EIF4G1: variants seen among roughly 807,000 people sequenced by gnomAD.
The protein encoded by EIF4G1 is EIF4-gamma.
A neutral mutation model predicts 187.8 loss-of-function variants in EIF4G1; 4 were observed. That is an observed-to-expected ratio of 0.02 (90% confidence interval 0.01 to 0.05). The LOEUF (loss-of-function observed/expected upper bound fraction) is 0.05. Ranked by LOEUF, EIF4G1 falls within the 10% of genes least tolerant of loss-of-function variation. The probability of loss-of-function intolerance (pLI) is 1.00; values close to 1 mark genes in which losing one functional copy is unlikely to be tolerated. For synonymous variants in EIF4G1, 844 were observed against 781.4 expected, an observed-to-expected ratio of 1.08 and a Z score of -1.34; for missense variants, 1,647 against 2,081.1, an observed-to-expected ratio of 0.79 and a Z score of 4.06.
chr3:184,321,918 C>A lies in EIF4G1; in HGVS notation c.1334C>A (p.Ala445Asp), dbSNP rs772328189. The change falls in exon 10 of 33, where the codon GCT becomes GAT. Residue 445 changes from alanine (A) to aspartate (D), a missense_variant. Transcript: ENST00000346169. ...PTIPSATPAT[A>D]PSATSPAQEE... ...ATCCCCTCTGCTACTCCAGCTACGGCTCCTTCAGCTACTTCCCCAGCTCAG... is the reference window on the plus strand; with the variant it reads ...ATCCCCTCTGCTACTCCAGCTACGGATCCTTCAGCTACTTCCCCAGCTCAG... The A allele has an allele frequency of 1.2e-6, 2 of 1,614,192 alleles. No individual in the cohort carries two copies. The highest frequency in any genetic ancestry group is 1.7e-6 in the Non-Finnish European group (2 of 1,180,046).
At chr3:184,320,870 T>C in intron 8 of EIF4G1, 57 bp from the exon 9 acceptor site, 1 of 1,611,402 alleles carries the variant, frequency 6.2e-7, no homozygotes, top group South Asian at 1.1e-5. Context: ...ATGGCTCTAG[T>C]AAAGAAGGGT....
intron 6 of EIF4G1, 105 bp from the exon 7 acceptor site, chr3:184,319,584 G>C: frequency 1.3e-6 from 1 of 780,584 alleles, no homozygotes; most frequent in Non-Finnish European, 2.2e-6. Flanking sequence ...CAAGGGGCCG[G>C]CTGTGGGTGG....
rs771753208 is a variant in EIF4G1, at chr3:184,327,929, C to T, written c.3880C>T (p.Arg1294Cys). 6 of 1,612,844 alleles carry T rather than the reference C, an allele frequency of 3.7e-6. No individual in the cohort carries two copies. The highest frequency in any genetic ancestry group is 4.2e-6 in the Non-Finnish European group (5 of 1,180,030). Residue 1294 changes from arginine to cysteine, a missense_variant, in exon 26 of 33, where the codon CGT (arginine) becomes TGT (cysteine). Transcript: ENST00000346169. ...TACGCTGGAGCGCAGTGCCATTGCT[C>T]GTGAGCATATGGGGCAGCTGCTGCA... ...ESTLERSAIA[R>C]EHMGQLLHQL... is the part of the protein sequence containing the mutation.
rs969419539 is a variant in EIF4G1, at chr3:184,328,895, T to G, written c.4080-14T>G. 12 of 1,614,062 alleles carry G rather than the reference T, an allele frequency of 7.4e-6. No individual in the cohort carries two copies. Among genetic ancestry groups the G allele is most frequent in the Non-Finnish European group, 1.0e-5 (12 of 1,180,036 alleles). On this transcript the variant is annotated splice_polypyrimidine_tract_variant and intron_variant, in intron 27 of 32. Transcript: ENST00000346169. ...TGTGGAGGCTGTCAGCATTAGGTTTTTCTCTTCTTGTAGGGAGATTACAAA... is the reference window on the plus strand; with the variant it reads ...TGTGGAGGCTGTCAGCATTAGGTTTGTCTCTTCTTGTAGGGAGATTACAAA...
Position 184,315,801 on chromosome 3 carries a change from A to G in EIF4G1, c.5A>G (p.Asn2Ser). ...CCTGATGTGGCACCAAATGAAATGAACAAAGCTCCACAGTCCACAGGCCCC... is the reference window on the plus strand; with the variant it reads ...CCTGATGTGGCACCAAATGAAATGAGCAAAGCTCCACAGTCCACAGGCCCC... Reference protein sequence around the residue: MNKAPQSTGPPP... With the variant: MSKAPQSTGPPP... The change falls in exon 3 of 33, where the codon AAC becomes AGC. Residue 2 changes from asparagine (N) to serine (S), a missense_variant. Transcript: ENST00000346169. 6.4e-7 allele frequency: 1 copy of G among 1,551,704 alleles called. No homozygotes were observed.
At position 184,322,532 on chromosome 3, in the gene EIF4G1, C is replaced by G; in HGVS notation, c.1609-12C>G. 6.2e-7 allele frequency: 1 copy of G among 1,614,072 alleles called. No individual in the cohort carries two copies. Among genetic ancestry groups the G allele is most frequent in the South Asian group, 1.1e-5 (1 of 91,066 alleles). On this transcript the variant is annotated splice_polypyrimidine_tract_variant and intron_variant, in intron 11 of 32. Coordinates refer to ENST00000346169, the MANE Select transcript of EIF4G1 (RefSeq NM_198241.3). ...CATTCTGCAACCAAAACTGGATGTT[C>G]TGTTGTTCTAGGCGAACCCGGCAGT...
At position 184,316,179 on chromosome 3, in the gene EIF4G1, A is replaced by C; in HGVS notation, c.108A>C (p.Pro36=). ...CAGCGCCGGTGGTGTTCAGTACGCC[A>C]CAAGCGACACAAATGAACACGCCTT... is the stretch of plus-strand genomic sequence containing the variant. The part of the protein sequence containing the change: ...GQTAPVVFST[P]QATQMNTPSQ... The change falls in exon 4 of 33, where the codon CCA becomes CCC. Residue 36 remains proline, a synonymous_variant. Transcript: ENST00000346169. The C allele has an allele frequency of 6.2e-7, 1 of 1,614,130 alleles. No individual in the cohort carries two copies. Among genetic ancestry groups the C allele is most frequent in the Non-Finnish European group, 8.5e-7 (1 of 1,180,018 alleles).
In EIF4G1 at chr3:184,316,115, T is replaced by C. The variant is rs1467838250; in HGVS notation, c.61-17T>C. 6.2e-7 allele frequency: 1 copy of C among 1,614,122 alleles called. No individual in the cohort carries two copies. The highest frequency in any genetic ancestry group is 1.1e-5 in the South Asian group (1 of 91,076). Reference sequence around the variant, plus strand: ...CTGGGCTTCCCCTCTTGCTGAACTCTGGTCTCCCCTCTTCAGCCAGCGTTT... The same window carrying C: ...CTGGGCTTCCCCTCTTGCTGAACTCCGGTCTCCCCTCTTCAGCCAGCGTTT... On this transcript the variant is annotated splice_polypyrimidine_tract_variant and intron_variant, in intron 3 of 32. Transcript: ENST00000346169.
rs1322910114 is a variant in EIF4G1, at chr3:184,335,313, G to C, written c.*405G>C. ...GCTGTTGCCTGGGCAGGGGGAAGGG[G>C]GGGCACGGTGCCTGTAATTATTAAA... is the stretch of plus-strand genomic sequence containing the variant. On this transcript the variant is annotated 3_prime_UTR_variant, in exon 33 of 33. Coordinates refer to ENST00000346169, the MANE Select transcript of EIF4G1 (RefSeq NM_198241.3). 4.2e-6 allele frequency: 1 copy of C among 237,894 alleles called. No homozygotes were observed. The highest frequency in any genetic ancestry group is 2.2e-5 in the African/African-American group (1 of 44,472). 14.7% of individuals were successfully genotyped at this position (237,894 alleles called of 1,614,324 possible).
rs770965114 is a variant in EIF4G1, at chr3:184,331,362, C to G, written c.4258C>G (p.Gln1420Glu). The G allele has an allele frequency of 4.3e-6, 7 of 1,614,210 alleles. No individual in the cohort carries two copies. Among genetic ancestry groups the G allele is most frequent in the Non-Finnish European group, 5.9e-6 (7 of 1,180,036 alleles). Residue 1420 changes from glutamine (Q) to glutamate (E), a missense_variant and splice_region_variant, in exon 29 of 33, where the codon CAG (glutamine) becomes GAG (glutamate). This residue lies in a region of EIF4G1 where 543 missense variants were observed against 638.0 expected (regional missense o/e 0.85). Coordinates refer to ENST00000346169, the MANE Select transcript of EIF4G1 (RefSeq NM_198241.3). ...GGACATTGGTGCATTCGTCGCTGAA[C>G]AGGTTTGGGGATGGAGTTGGGTTAA... Reference protein sequence around the residue: ...GQDIGAFVAEQKVEYTLGEES... With the variant: ...GQDIGAFVAEEKVEYTLGEES...
At chr3:184,331,143 C>G in intron 28 of EIF4G1, 123 bp from the exon 29 acceptor site, 2 of 1,041,584 alleles carry the variant, frequency 1.9e-6, no homozygotes, top group South Asian at 2.5e-5. Context: ...TCTATAGCAT[C>G]CTTAATGCCT....
chr3:184,321,528 C>T lies in EIF4G1; in HGVS notation c.944C>T (p.Pro315Leu). 1 of 1,614,198 alleles carries T rather than the reference C, an allele frequency of 6.2e-7. No individual in the cohort carries two copies. The highest frequency in any genetic ancestry group is 8.5e-7 in the Non-Finnish European group (1 of 1,180,040). Residue 315 changes from proline (P) to leucine (L), a missense_variant, in exon 10 of 33, where the codon CCA becomes CTA. Physicochemically the swap from Pro to Leu is moderately conservative, Grantham distance 98. Transcript: ENST00000346169. The part of the protein sequence containing the change: ...RETGEPYRLS[P>L]EPTPLAEPIL... ...ACTGGGGAGCCATATCGCCTCTCTC[C>T]AGAACCCACTCCTCTCGCCGAACCC...
Position 184,334,632 on chromosome 3 carries a change from G to T in EIF4G1, c.4619-95G>T, listed in dbSNP as rs62287502. 51,862 of 1,465,858 alleles carry T rather than the reference G, an allele frequency of 0.035. 1,208 individuals are homozygous for T. Among genetic ancestry groups the T allele is most frequent in the Middle Eastern group, 0.049 (268 of 5,510 alleles). The allele number at this position is 1,465,858 out of a possible 1,614,324, so 90.8% of individuals were successfully genotyped here. ...ACAAATGTCAGGCTGGTGCATCAGG[G>T]CCTTGTTTGAACAGTGGAACTTGGG... is the stretch of plus-strand genomic sequence containing the variant. On this transcript the variant is annotated intron_variant, in intron 32 of 32. Transcript: ENST00000346169. The surrounding 1 kb of genome is among the most constrained non-coding windows in gnomAD (Gnocchi z 5.8).
Position 184,334,685 on chromosome 3 carries a change from CGGT to C in EIF4G1, c.4619-39_4619-37del. On this transcript the variant is annotated intron_variant, in intron 32 of 32. Coordinates refer to ENST00000346169, the MANE Select transcript of EIF4G1 (RefSeq NM_198241.3). This position sits in a 1 kb window ranked among gnomAD's most constrained non-coding sequence, Gnocchi z 5.8. ...GGTTCCCTGGGGTGGGCTGGGGTGGCGGTGGCCAGTCACCTCTAACTGCTGTCC... is the reference window on the plus strand; with the variant it reads ...GGTTCCCTGGGGTGGGCTGGGGTGGCGGCCAGTCACCTCTAACTGCTGTCC... 6.2e-7 allele frequency: 1 copy of C among 1,612,950 alleles called. No homozygotes were observed. Among genetic ancestry groups the C allele is most frequent in the Non-Finnish European group, 8.5e-7 (1 of 1,179,218 alleles).
At chr3:184,320,434 T>G (rs1723688267) in intron 7 of EIF4G1, 196 bp from the exon 8 acceptor site, 1 of 1,487,936 alleles carries the variant, frequency 6.7e-7, no homozygotes, top group Non-Finnish European at 8.9e-7. Context: ...ATCAAGGGTC[T>G]CTTAAGGGTG....
At chr3:184,329,072 A>G (rs780430267) in intron 28 of EIF4G1, 82 bp downstream of exon 28, 325 of 1,501,050 alleles carry the variant, frequency 2.2e-4, no homozygotes, top group Admixed American at 5.6e-4. Context: ...TTCATGGTCC[A>G]TTGGTGGAGT....
Position 184,317,419 on chromosome 3 carries a change from T to G in EIF4G1, c.246T>G (p.Pro82=), listed in dbSNP as rs1255746425. Residue 82 remains proline (P), a synonymous_variant, in exon 5 of 33, where the codon CCT becomes CCG. Coordinates refer to ENST00000346169, the MANE Select transcript of EIF4G1 (RefSeq NM_198241.3). Reference sequence around the variant, plus strand: ...CTGGCCCAGCTGCCCATGTCTACCCTGCTGGATCCCAAGTAATGATGATCC... The same window carrying G: ...CTGGCCCAGCTGCCCATGTCTACCCGGCTGGATCCCAAGTAATGATGATCC... ...ARPGPAAHVY[P]AGSQVMMIPS... is the part of the protein sequence containing the mutation. The G allele has an allele frequency of 1.2e-6, 2 of 1,613,968 alleles. No homozygotes were observed. Among genetic ancestry groups the G allele is most frequent in the African/African-American group, 2.7e-5 (2 of 74,898 alleles).
chr3:184,331,902 C>T (rs376330605), intron 31 of EIF4G1, 44 bp from the exon 32 acceptor site: 234 of 1,613,758 alleles, frequency 1.5e-4, no homozygotes, highest in Non-Finnish European at 1.9e-4. Context: ...AGTTCTGAAC[C>T]GGGGTAAGGG....
At chr3:184,316,904 G>A (rs1722898523) in intron 4 of EIF4G1, among the ~76,000 whole-genome samples, 1 of 152,188 alleles carries the variant, frequency 6.6e-6, no homozygotes, top group Admixed American at 6.5e-5. Flanking sequence ...CTTGAAGAAC[G>A]CGCATCTGGG....
Sources: gnomAD v4.1 joint callset for allele counts (sites outside exome capture counted in the v4.1 genomes callset) on GRCh38, gnomAD v4.1.1 for gene constraint, gnomAD v4.1.1 regional missense constraint, Gnocchi (gnomAD v3.1) non-coding constraint, MANE v1.5 for transcripts, NCBI Gene and HGNC (gene_info 2026-07-23, HGNC 2026-07-21) for gene names.